Variants in PHACTR2 observed in about 807,000 individuals in gnomAD.
PHACTR2 encodes chromosome 6 open reading frame 56.
In PHACTR2, 30 loss-of-function variants were observed where a neutral mutation model predicts 76.0. The ratio of observed to expected loss-of-function variants is 0.39; its 90% CI spans 0.30 to 0.54. The LOEUF (loss-of-function observed/expected upper bound fraction) is 0.54. Ranked by LOEUF, PHACTR2 falls within the 20% of genes least tolerant of loss-of-function variation. The pLI, the probability that PHACTR2 is intolerant of heterozygous loss-of-function variation, is 0.61. For missense variants in PHACTR2, 696 were observed against 781.1 expected (o/e 0.89, Z 1.30); for synonymous variants, 292 against 292.5 (o/e 1.00, Z 0.02).
upstream of PHACTR2, among the ~76,000 whole-genome samples, chr6:143,676,347 T>C (rs1049692963): frequency 6.6e-6 from 1 of 152,246 alleles, no homozygotes; most frequent in Non-Finnish European, 1.5e-5. This position sits in a 1 kb window ranked among gnomAD's most constrained non-coding sequence, Gnocchi z 4.8. Context: ...TATGCTATTG[T>C]TTCTCAAGGA....
intron 1 of PHACTR2, among the ~76,000 whole-genome samples, chr6:143,706,928 A>G (rs1778067121): frequency 6.6e-6 from 1 of 152,222 alleles, no homozygotes; most frequent in East Asian, 1.9e-4. Context: ...CAGATGTTGT[A>G]CATCCGCCCT....
rs2128482972 is a variant in PHACTR2 at position 143,803,735 on chromosome 6, A to G, written c.1846-3322A>G. On this transcript the variant is annotated intron_variant, in intron 11 of 12. Coordinates refer to ENST00000440869, the MANE Select transcript of PHACTR2 (RefSeq NM_001100164.2). This position sits in a 1 kb window ranked among gnomAD's most constrained non-coding sequence, Gnocchi z 4.7. The stretch of plus-strand genomic sequence containing the variant: ...TTTCTAGGATTTGACATTTTCAGCA[A>G]TAGAGAAATACTGTATTTTGTAAAT... 6.6e-6 allele frequency among the ~76,000 whole-genome samples: 1 copy of G among 152,334 alleles called. No individual in the cohort carries two copies. Among genetic ancestry groups the G allele is most frequent in the South Asian group, 2.1e-4 (1 of 4,828 alleles).
Position 143,639,742 on chromosome 6 carries a change from C to T in PHACTR2, c.13+31420C>T, listed in dbSNP as rs1474356379. On this transcript the variant is annotated intron_variant, in intron 1 of 11. Coordinates refer to the PHACTR2 transcript ENST00000305766. This position sits in a 1 kb window ranked among gnomAD's most constrained non-coding sequence, Gnocchi z 5.0. The stretch of plus-strand genomic sequence containing the variant: ...GCACACAACAAGTAGATATTCATTC[C>T]TCTTAGGCAAATATGAAACATACAC... Among the ~76,000 whole-genome samples, 1 of 152,156 alleles carries T rather than the reference C, an allele frequency of 6.6e-6. No individual in the cohort carries two copies. Among genetic ancestry groups the T allele is most frequent in the Non-Finnish European group, 1.5e-5 (1 of 68,042 alleles).
Position 143,619,548 on chromosome 6 carries a change from A to G in PHACTR2, c.13+11226A>G, listed in dbSNP as rs1258010830. ...AGTGTTGACCTGTACACAAAGAAGC[A>G]TCTTTCTTTGAGACTGTTGCATGGG... On this transcript the variant is annotated intron_variant, in intron 1 of 11. Coordinates refer to the PHACTR2 transcript ENST00000305766. This position sits in a 1 kb window ranked among gnomAD's most constrained non-coding sequence, Gnocchi z 4.5. Among the ~76,000 whole-genome samples, 1 of 152,234 alleles carries G rather than the reference A, an allele frequency of 6.6e-6. No homozygotes were observed. Among genetic ancestry groups the G allele is most frequent in the Non-Finnish European group, 1.5e-5 (1 of 68,044 alleles).
rs1015793848 is a variant in PHACTR2 at position 143,777,025 on chromosome 6, G to A, written c.1590-303G>A. 3.3e-5 allele frequency among the ~76,000 whole-genome samples: 5 copies of A among 152,104 alleles called. No individual in the cohort carries two copies. The highest frequency in any genetic ancestry group is 1.2e-4 in the African/African-American group (5 of 41,434). On this transcript the variant is annotated intron_variant, in intron 8 of 12. Coordinates refer to ENST00000440869, the MANE Select transcript of PHACTR2 (RefSeq NM_001100164.2). This position sits in a 1 kb window ranked among gnomAD's most constrained non-coding sequence, Gnocchi z 4.6. ...ATCATTCTGCTCACATCCCATTGCA[G>A]AAACTCAGTCACAGCACGATACCTG...
chr6:143,552,775 G>A (rs1416868205), intron 1 of PHACTR2, among the ~76,000 whole-genome samples: 1 of 151,660 alleles, frequency 6.6e-6, no homozygotes, highest in African/African-American at 2.4e-5. Context: ...ATGGTGGTGG[G>A]TAGTCCCAGG....
chr6:143,823,793 T>C lies in PHACTR2; in HGVS notation c.*104T>C. 1 of 980,638 alleles carries C rather than the reference T, an allele frequency of 1.0e-6. No homozygotes were observed. The highest frequency in any genetic ancestry group is 2.4e-5 in the East Asian group (1 of 41,630). 60.7% of individuals were successfully genotyped at this position (980,638 alleles called of 1,614,324 possible). A position where few individuals can be genotyped will look rare whatever the true frequency, so the allele number is the denominator to read the frequency against. On this transcript the variant is annotated 3_prime_UTR_variant, in exon 13 of 13. Transcript: ENST00000440869. The surrounding 1 kb of genome is among the most constrained non-coding windows in gnomAD (Gnocchi z 5.7). ...TGGGATTTGAATGTGTGTGTTTCCG[T>C]TTAACTTGTGGTGAAGGAAGTGTGT...
In PHACTR2 at chr6:143,830,138, C is replaced by G. The variant is rs927177216; in HGVS notation, c.*6449C>G. ...ATTCAAGGGTCAAACCACTTTCATC[C>G]CTTAAAATATAGGGACTAATATTTC... On this transcript the variant is annotated 3_prime_UTR_variant, in exon 13 of 13. Coordinates refer to ENST00000440869, the MANE Select transcript of PHACTR2 (RefSeq NM_001100164.2). 1 of 151,976 alleles carries G rather than the reference C, an allele frequency of 6.6e-6. No individual in the cohort carries two copies. Among genetic ancestry groups the G allele is most frequent in the African/African-American group, 2.4e-5 (1 of 41,378 alleles). 9.4% of individuals were successfully genotyped at this position (151,976 alleles called of 1,614,324 possible).
chr6:143,552,889 A>G (rs12527751), intron 1 of PHACTR2, among the ~76,000 whole-genome samples: 27 of 15,048 alleles, frequency 1.8e-3, no homozygotes, highest in Admixed American at 6.6e-3. Flanking sequence ...TCTCAAAAAG[A>G]AAAAAAAAAA....
rs1775763380 is a variant in PHACTR2, at chr6:143,597,108, C to T, written c.217+59901C>T. 1.3e-5 allele frequency among the ~76,000 whole-genome samples: 2 copies of T among 152,168 alleles called. No individual in the cohort carries two copies. ...TTTCTACACTTGGCATGTATTTTCC[C>T]CTCTGTGTTCTCACGCTCCACACTG... On this transcript the variant is annotated intron_variant, in intron 1 of 11. Coordinates refer to the PHACTR2 transcript ENST00000367584. The surrounding 1 kb of genome is among the most constrained non-coding windows in gnomAD (Gnocchi z 5.7).
chr6:143,571,929 T>C lies in PHACTR2; in HGVS notation c.217+34722T>C, dbSNP rs183593218. On this transcript the variant is annotated intron_variant, in intron 1 of 11. Transcript: ENST00000367584. The surrounding 1 kb of genome is among the most constrained non-coding windows in gnomAD (Gnocchi z 4.6). ...ATGGGAGATCTCTATGTAGGAGATA[T>C]TAGATATTCTTCTACCATCTACAGA... Among the ~76,000 whole-genome samples, 1 of 152,328 alleles carries C rather than the reference T, an allele frequency of 6.6e-6. No homozygotes were observed. The highest frequency in any genetic ancestry group is 1.9e-4 in the East Asian group (1 of 5,184).
intron 1 of PHACTR2, among the ~76,000 whole-genome samples, chr6:143,552,616 A>T (rs1000626017): frequency 1.3e-5 from 2 of 152,136 alleles, no homozygotes; most frequent in Admixed American, 6.5e-5. Context: ...TTAAAAAAAA[A>T]TTGAAGGCTG....
chr6:143,635,643 TAA>T (rs1310497249), intron 1 of PHACTR2, among the ~76,000 whole-genome samples: 4 of 152,198 alleles, frequency 2.6e-5, no homozygotes, highest in Non-Finnish European at 5.9e-5. Context: ...ATTATTGTTT[TAA>T]TTTGTTTTGT....
intron 1 of PHACTR2, among the ~76,000 whole-genome samples, chr6:143,693,302 A>T (rs976308503): frequency 6.6e-6 from 1 of 151,980 alleles, no homozygotes; most frequent in African/African-American, 2.4e-5. Flanking sequence ...CAGTGGTGTG[A>T]TCTTGGCTCA....
In PHACTR2 at chr6:143,595,837, A is replaced by G. The variant is rs1217718607; in HGVS notation, c.217+58630A>G. ...GATAAACACACTGGTGAATCATTAC[A>G]TGCTGATGGTGCTATTTAAACATTA... On this transcript the variant is annotated intron_variant, in intron 1 of 11. Coordinates refer to the PHACTR2 transcript ENST00000367584. This position sits in a 1 kb window ranked among gnomAD's most constrained non-coding sequence, Gnocchi z 4.2. Among the ~76,000 whole-genome samples the G allele has an allele frequency of 1.3e-5, 2 of 152,222 alleles. No individual in the cohort carries two copies. The highest frequency in any genetic ancestry group is 1.5e-5 in the Non-Finnish European group (1 of 68,046).
At chr6:143,802,566 C>T (rs1775981427) in intron 11 of PHACTR2, among the ~76,000 whole-genome samples, 1 of 139,770 alleles carries the variant, frequency 7.2e-6, no homozygotes, top group South Asian at 2.3e-4. Context: ...AGGGTGTCTT[C>T]AGCCTTGGAA....
At chr6:143,660,375 AG>A (rs1272938363) in intron 1 of PHACTR2, among the ~76,000 whole-genome samples, 4 of 152,186 alleles carry the variant, frequency 2.6e-5, no homozygotes, top group African/African-American at 9.6e-5. Context: ...GAGCTTGTGC[AG>A]GGAAACTCCC....
rs1043305230 is a variant in PHACTR2 at position 143,625,577 on chromosome 6, A to T, written c.13+17255A>T. On this transcript the variant is annotated intron_variant, in intron 1 of 11. Coordinates refer to the PHACTR2 transcript ENST00000305766. This position sits in a 1 kb window ranked among gnomAD's most constrained non-coding sequence, Gnocchi z 4.3. Reference sequence around the variant, plus strand: ...GTGCGGTGTGTCTCCAATAGATGTAATATCACCAGTGACTGTGGGAACTTT... The same window carrying T: ...GTGCGGTGTGTCTCCAATAGATGTATTATCACCAGTGACTGTGGGAACTTT... Among the ~76,000 whole-genome samples the T allele has an allele frequency of 6.6e-6, 1 of 152,232 alleles. No homozygotes were observed. Among genetic ancestry groups the T allele is most frequent in the Non-Finnish European group, 1.5e-5 (1 of 68,042 alleles).
intron 12 of PHACTR2, among the ~76,000 whole-genome samples, chr6:143,817,236 G>A (rs1015144918): frequency 6.6e-6 from 1 of 152,190 alleles, no homozygotes; most frequent in African/African-American, 2.4e-5. Context: ...ATGAACATCT[G>A]AAGATTAGGA....
Sources: gnomAD v4.1 joint callset for allele counts (sites outside exome capture counted in the v4.1 genomes callset) on GRCh38, gnomAD v4.1.1 for gene constraint, Gnocchi (gnomAD v3.1) non-coding constraint, MANE v1.5 for transcripts, NCBI Gene and HGNC (gene_info 2026-07-23, HGNC 2026-07-21) for gene names.